The following CFAP299 variants were observed in gnomAD, a reference collection of about 807,000 sequenced individuals.
The protein encoded by CFAP299 is cilia and flagella associated protein 299.
CFAP299 carries 21 observed loss-of-function variants against 27.0 expected under a neutral mutation model. The observed-to-expected ratio is 0.78, with a 90% CI of 0.55 to 1.12. The LOEUF (loss-of-function observed/expected upper bound fraction) is 1.12, where lower values mean the gene tolerates loss of function less well. Among genes scored for constraint, CFAP299 ranks in the 50% most tolerant of loss-of-function variants. CFAP299 has a pLI of 0.00. For missense variants in CFAP299, 310 were observed against 276.6 expected, an observed-to-expected ratio of 1.12 and a Z score of -0.86; for synonymous variants, 104 against 98.1, an observed-to-expected ratio of 1.06 and a Z score of -0.36.
At chr4:80,482,180 G>A (rs1387545291) in intron 2 of CFAP299, among the ~76,000 whole-genome samples, 1 of 151,582 alleles carries the variant, frequency 6.6e-6, no homozygotes, top group East Asian at 1.9e-4. Flanking sequence ...TACCAGAAAT[G>A]TATACTAGAT....
chr4:80,883,934 A>G (rs1733844482), intron 4 of CFAP299, among the ~76,000 whole-genome samples: 1 of 152,020 alleles, frequency 6.6e-6, no homozygotes, highest in Non-Finnish European at 1.5e-5. Flanking sequence ...TGTGTCATGG[A>G]GGTTTGTTGT....
chr4:80,354,636 A>G (rs1723174782), intron 1 of CFAP299, among the ~76,000 whole-genome samples: 1 of 152,104 alleles, frequency 6.6e-6, no homozygotes, highest in African/African-American at 2.4e-5. Flanking sequence ...TAAACCTAGT[A>G]CCCATAGTAG....
intron 3 of CFAP299, among the ~76,000 whole-genome samples, chr4:80,753,987 T>C (rs982499264): frequency 4.6e-5 from 7 of 152,200 alleles, no homozygotes; most frequent in African/African-American, 1.4e-4. Context: ...AATACTGTTA[T>C]ATCTGAGTCT....
chr4:80,404,107 A>G (rs1468177987), intron 2 of CFAP299, among the ~76,000 whole-genome samples: 6 of 152,302 alleles, frequency 3.9e-5, no homozygotes, highest in Non-Finnish European at 7.4e-5. Flanking sequence ...ACCTACATAT[A>G]TCTTTTAAAA....
intron 3 of CFAP299, among the ~76,000 whole-genome samples, chr4:80,615,667 G>T (rs1738231921): frequency 6.6e-6 from 1 of 151,968 alleles, no homozygotes; most frequent in Non-Finnish European, 1.5e-5. Flanking sequence ...CTTCCAAGTA[G>T]CTGGGATCCC....
At chr4:80,665,806 C>T (rs983645818) in intron 3 of CFAP299, among the ~76,000 whole-genome samples, 6 of 152,088 alleles carry the variant, frequency 3.9e-5, no homozygotes, top group East Asian at 1.9e-4. Context: ...TCAGTACAAT[C>T]GCCTTGGTAC....
chr4:80,604,490 T>G (rs1051977568), intron 3 of CFAP299, among the ~76,000 whole-genome samples: 1 of 152,166 alleles, frequency 6.6e-6, no homozygotes, highest in African/African-American at 2.4e-5. Flanking sequence ...AAGCTGACAA[T>G]TGAAACTCAA....
chr4:80,420,908 C>A (rs1052048987), intron 2 of CFAP299, among the ~76,000 whole-genome samples: 9 of 152,146 alleles, frequency 5.9e-5, no homozygotes, highest in African/African-American at 2.2e-4. Context: ...TTTACTTTCA[C>A]CAAAATTGCT....
chr4:80,514,475 T>C (rs1277959563), intron 2 of CFAP299, among the ~76,000 whole-genome samples: 1 of 152,100 alleles, frequency 6.6e-6, no homozygotes, highest in Non-Finnish European at 1.5e-5. Context: ...TTTGAACTCT[T>C]CCAATTCAAC....
At chr4:80,736,778 A>G (rs144487237) in intron 3 of CFAP299, among the ~76,000 whole-genome samples, 27,591 of 152,130 alleles carry the variant, frequency 0.18, 3,619 homozygotes, top group African/African-American at 0.37. Context: ...ATCTAGAACT[A>G]GAAATACCAT....
chr4:80,674,652 C>T (rs1054792889), intron 3 of CFAP299, among the ~76,000 whole-genome samples: 8 of 152,276 alleles, frequency 5.3e-5, no homozygotes, highest in African/African-American at 1.7e-4. Context: ...GTCACTTTCA[C>T]GTACACTGAT....
chr4:80,428,002 G>T (rs899283199), intron 2 of CFAP299, among the ~76,000 whole-genome samples: 5 of 152,142 alleles, frequency 3.3e-5, no homozygotes, highest in Non-Finnish European at 5.9e-5. Context: ...GTAAGGAACA[G>T]CTCTTAATTT....
At chr4:80,689,497 G>C (rs889798501) in intron 3 of CFAP299, among the ~76,000 whole-genome samples, 1 of 152,208 alleles carries the variant, frequency 6.6e-6, no homozygotes, top group African/African-American at 2.4e-5. Flanking sequence ...AATGCTGAGA[G>C]ATTTTGTCAC....
At chr4:80,707,453 C>T (rs1462730487) in intron 3 of CFAP299, among the ~76,000 whole-genome samples, 1 of 151,858 alleles carries the variant, frequency 6.6e-6, no homozygotes, top group African/African-American at 2.4e-5. Context: ...GTTAAGAAAC[C>T]ACCACTGAGA....
At chr4:80,685,965 T>C (rs1160952836) in intron 3 of CFAP299, among the ~76,000 whole-genome samples, 1 of 152,138 alleles carries the variant, frequency 6.6e-6, no homozygotes, top group East Asian at 1.9e-4. Context: ...TACAGAATGA[T>C]TCAGGTTCTT....
chr4:80,668,368 A>G (rs1741250596), intron 3 of CFAP299, among the ~76,000 whole-genome samples: 1 of 152,078 alleles, frequency 6.6e-6, no homozygotes, highest in South Asian at 2.1e-4. Flanking sequence ...TTTTGCACAA[A>G]AATTCATTTC....
At chr4:80,540,341 C>T (rs1733940560) in intron 2 of CFAP299, among the ~76,000 whole-genome samples, 2 of 152,180 alleles carry the variant, frequency 1.3e-5, no homozygotes, top group South Asian at 2.1e-4. Context: ...ATTAATGAAA[C>T]GTTCCTAGTT....
At chr4:80,766,547 G>T (rs1237749431) in intron 3 of CFAP299, among the ~76,000 whole-genome samples, 2 of 152,042 alleles carry the variant, frequency 1.3e-5, no homozygotes, top group African/African-American at 2.4e-5. Flanking sequence ...CACACATACA[G>T]ACATACAGAC....
At chr4:80,332,297 G>C (rs1028202672), upstream of CFAP299, among the ~76,000 whole-genome samples, 2 of 152,164 alleles carry the variant, frequency 1.3e-5, no homozygotes, top group Non-Finnish European at 2.9e-5. Flanking sequence ...GCTGTAAAGG[G>C]CAGGAAAGCC....
Sources: allele counts gnomAD v4.1 joint callset (sites outside exome capture counted in the v4.1 genomes callset), GRCh38; gene constraint gnomAD v4.1.1; transcripts MANE v1.5; gene names NCBI Gene and HGNC (gene_info 2026-07-23, HGNC 2026-07-21).